KCNJ6: variants seen among roughly 807,000 people sequenced by gnomAD.
KCNJ6 encodes G protein-activated inward rectifier potassium channel 2.
In KCNJ6, 9 loss-of-function variants were observed where a neutral mutation model predicts 34.2. The ratio of observed to expected loss-of-function variants is 0.26; its 90% CI spans 0.16 to 0.46. KCNJ6 has a LOEUF of 0.46. KCNJ6 is among the 20% of genes least tolerant of loss of function. The pLI is 1.00. For missense variants in KCNJ6, 236 were observed against 531.3 expected (o/e 0.44, Z 5.46); for synonymous variants, 196 against 207.1 (o/e 0.95, Z 0.46).
intron 2 of KCNJ6, among the ~76,000 whole-genome samples, chr21:37,807,385 T>C (rs1028404530): frequency 1.3e-5 from 2 of 152,204 alleles, no homozygotes; most frequent in African/African-American, 4.8e-5. Context: ...GTTTCTAAAA[T>C]GTAAAAGTCA....
intron 2 of KCNJ6, among the ~76,000 whole-genome samples, chr21:37,789,239 C>G (rs1482860477): frequency 6.6e-6 from 1 of 152,162 alleles, no homozygotes; most frequent in East Asian, 1.9e-4. Flanking sequence ...ATTGTGTTCC[C>G]CCACATTTAC....
rs1387944087 is a variant in KCNJ6, at chr21:37,712,569, TC to T, written c.946+1641del. On this transcript the variant is annotated intron_variant, in intron 3 of 3. Coordinates refer to ENST00000609713, the MANE Select transcript of KCNJ6 (RefSeq NM_002240.5). ...TCCTCCCTCCCTCCTCCCCTTCTCC[TC>T]CTCTTCTTCCTCCCTTTCTCTTCCC... is the stretch of plus-strand genomic sequence containing the variant. 9.8e-4 allele frequency among the ~76,000 whole-genome samples: 78 copies of T among 79,722 alleles called. 18 individuals are homozygous for T. Among genetic ancestry groups the T allele is most frequent in the African/African-American group, 3.2e-3 (60 of 18,620 alleles). The allele number at this position is 79,722 out of a possible 152,430, so 52.3% of individuals were successfully genotyped here.
intron 3 of KCNJ6, among the ~76,000 whole-genome samples, chr21:37,651,377 G>C (rs1011262579): frequency 4.6e-5 from 7 of 152,224 alleles, no homozygotes; most frequent in Non-Finnish European, 8.8e-5. Context: ...TGGAGAGTTT[G>C]GAGGAGATAG....
intron 1 of KCNJ6, among the ~76,000 whole-genome samples, chr21:37,907,733 A>G: frequency 6.6e-6 from 1 of 152,240 alleles, no homozygotes; most frequent in East Asian, 1.9e-4. Flanking sequence ...ATCTTCAAAT[A>G]TCAAGATACC....
intron 2 of KCNJ6, among the ~76,000 whole-genome samples, chr21:37,767,741 T>C (rs990431051): frequency 1.3e-5 from 2 of 152,224 alleles, no homozygotes; most frequent in Admixed American, 1.3e-4. Flanking sequence ...ATTCTTTCAG[T>C]ATTTGAAACT....
Position 37,616,602 on chromosome 21 carries a change from T to TATATATATATATATATATATATATAC in KCNJ6, c.*8556_*8557insGTATATATATATATATATATATATAT. The TATATATATATATATATATATATATAC allele has an allele frequency of 8.0e-6, 1 of 125,318 alleles. No individual in the cohort carries two copies. The highest frequency in any genetic ancestry group is 1.7e-5 in the Non-Finnish European group (1 of 60,164). 7.8% of individuals were successfully genotyped at this position (125,318 alleles called of 1,614,324 possible). A position where few individuals can be genotyped will look rare whatever the true frequency, so the allele number is the denominator to read the frequency against. The stretch of plus-strand genomic sequence containing the variant: ...GGAACAAAATGTACATATATATATA[T>TATATATATATATATATATATATATAC]ATATATATATATATGGTTAGACTCT... On this transcript the variant is annotated 3_prime_UTR_variant, in exon 4 of 4. Transcript: ENST00000609713.
At chr21:37,776,446 C>T (rs1168063032) in intron 2 of KCNJ6, among the ~76,000 whole-genome samples, 2 of 150,958 alleles carry the variant, frequency 1.3e-5, no homozygotes, top group Non-Finnish European at 1.5e-5. Flanking sequence ...GGGAATGCTT[C>T]CAGTTTTTGC....
At position 37,619,995 on chromosome 21, in the gene KCNJ6, C is replaced by T. The variant is rs2054285273; in HGVS notation, c.*5164G>A. ...GAGACCCTAACTGAATGACTGGGCT[C>T]TCTAAGTCTTGTGAAGCAGTTGTCT... On this transcript the variant is annotated 3_prime_UTR_variant, in exon 4 of 4. Transcript: ENST00000609713. The T allele has an allele frequency of 6.6e-6, 1 of 152,034 alleles. No individual in the cohort carries two copies. The highest frequency in any genetic ancestry group is 2.4e-5 in the African/African-American group (1 of 41,376). The allele number at this position is 152,034 out of a possible 1,614,324, so 9.4% of individuals were successfully genotyped here.
chr21:37,748,730 T>C (rs1182226277), intron 2 of KCNJ6, among the ~76,000 whole-genome samples: 1 of 152,204 alleles, frequency 6.6e-6, no homozygotes, highest in Non-Finnish European at 1.5e-5. Context: ...AGCTTGCAAT[T>C]TACTTTTTGT....
intron 3 of KCNJ6, among the ~76,000 whole-genome samples, chr21:37,646,644 G>A (rs1450396991): frequency 1.3e-5 from 2 of 152,036 alleles, no homozygotes; most frequent in Non-Finnish European, 2.9e-5. Flanking sequence ...CCTGGGTCAC[G>A]GTGCAGTTTC....
chr21:37,655,179 T>TGTGTGTGTGTGTGTGTG (rs1377937886), intron 3 of KCNJ6, among the ~76,000 whole-genome samples: 2 of 23,990 alleles, frequency 8.3e-5, no homozygotes, highest in African/African-American at 3.4e-4. Flanking sequence ...CTCTAGACAT[T>TGTGTGTGTGTGTGTGTG]TGTGTGTGTG....
intron 1 of KCNJ6, among the ~76,000 whole-genome samples, chr21:37,844,841 C>T (rs1357767894): frequency 1.3e-5 from 2 of 152,202 alleles, no homozygotes; most frequent in African/African-American, 4.8e-5. Context: ...ATGTGTCACA[C>T]TGTATAATTT....
intron 2 of KCNJ6, among the ~76,000 whole-genome samples, chr21:37,747,586 G>A (rs974413124): frequency 6.6e-6 from 1 of 152,146 alleles, no homozygotes; most frequent in Non-Finnish European, 1.5e-5. Context: ...TGGATTATCC[G>A]GGAAGCCCAG....
intron 2 of KCNJ6, among the ~76,000 whole-genome samples, chr21:37,809,170 A>G (rs967395475): frequency 6.6e-5 from 10 of 152,242 alleles, no homozygotes; most frequent in Non-Finnish European, 1.5e-5. Context: ...TGTGGCACAT[A>G]TACCCCATGG....
chr21:37,875,690 G>C (rs2055674722), intron 1 of KCNJ6, among the ~76,000 whole-genome samples: 1 of 152,174 alleles, frequency 6.6e-6, no homozygotes, highest in Non-Finnish European at 1.5e-5. Context: ...AGGCTCAGAA[G>C]GTAGAAGGAA....
intron 2 of KCNJ6, among the ~76,000 whole-genome samples, chr21:37,839,844 C>A (rs1190442571): frequency 6.6e-6 from 1 of 152,134 alleles, no homozygotes; most frequent in Non-Finnish European, 1.5e-5. Context: ...TGCTCTGCTG[C>A]CCAGACTAGA....
intron 2 of KCNJ6, among the ~76,000 whole-genome samples, chr21:37,840,427 G>C (rs1186895609): frequency 6.6e-6 from 1 of 152,120 alleles, no homozygotes; most frequent in African/African-American, 2.4e-5. Context: ...TTATTCTTCA[G>C]CTCCATACTG....
intron 2 of KCNJ6, among the ~76,000 whole-genome samples, chr21:37,741,442 T>A (rs1217249312): frequency 6.6e-6 from 1 of 152,176 alleles, no homozygotes; most frequent in Non-Finnish European, 1.5e-5. Flanking sequence ...AAATGGGCTG[T>A]GTTCCTCTTC....
At chr21:37,663,165 C>A (rs540008976) in intron 3 of KCNJ6, among the ~76,000 whole-genome samples, 66 of 152,032 alleles carry the variant, frequency 4.3e-4, no homozygotes, top group African/African-American at 1.5e-3. Context: ...AAAGGCTTGA[C>A]TTGTGTTTTT....
Sources: gnomAD v4.1 joint callset for allele counts (sites outside exome capture counted in the v4.1 genomes callset) on GRCh38, gnomAD v4.1.1 for gene constraint, MANE v1.5 for transcripts, NCBI Gene and HGNC (gene_info 2026-07-23, HGNC 2026-07-21) for gene names.